The following ALDH7A1 variants were observed in gnomAD, a reference collection of about 807,000 sequenced individuals.
ALDH7A1 encodes alpha-aminoadipic semialdehyde dehydrogenase.
ALDH7A1 carries 63 observed loss-of-function variants against 79.9 expected under a neutral mutation model. The ratio of observed to expected loss-of-function variants is 0.79; its 90% confidence interval spans 0.64 to 0.97. The LOEUF is 0.97. Among genes scored for constraint, ALDH7A1 ranks in the 50% least tolerant of loss-of-function variants. ALDH7A1 has a pLI of 0.00. For synonymous variants in ALDH7A1, 240 were observed against 231.2 expected, an observed-to-expected ratio of 1.04 and a Z score of -0.34; for missense variants, 627 against 665.2, an observed-to-expected ratio of 0.94 and a Z score of 0.63.
rs760266177 is a variant in ALDH7A1 at position 126,552,071 on chromosome 5, T to C, written c.1267A>G (p.Ile423Val). 9 of 1,613,988 alleles carry C rather than the reference T, an allele frequency of 5.6e-6. No individual in the cohort carries two copies. Among genetic ancestry groups the C allele is most frequent in the Non-Finnish European group, 7.6e-6 (9 of 1,180,022 alleles). Residue 423 changes from isoleucine to valine, a missense_variant, in exon 14 of 18, where the codon ATT becomes GTT. Ile to Val is a conservative substitution (Grantham distance 29). Transcript: ENST00000409134. ...GGAGCAAAAGTCTCTGTGTGTGCAA[T>C]GGACGCATCGTGGCCAAGACCTGTC... ...IVTGLGHDASIAHTETFAPIL... is the reference protein window; with the variant it reads ...IVTGLGHDASVAHTETFAPIL...
At chr5:126,573,262 T>A (rs1336288678) in intron 7 of ALDH7A1, among the ~76,000 whole-genome samples, 1 of 152,094 alleles carries the variant, frequency 6.6e-6, no homozygotes, top group Non-Finnish European at 1.5e-5. Flanking sequence ...TTTGTTTGTT[T>A]TTTAGGTTTA....
intron 3 of ALDH7A1, chr5:126,584,319 A>AG (rs1751281384): frequency 2.7e-6 from 1 of 368,724 alleles, no homozygotes; most frequent in Non-Finnish European, 5.0e-6. Flanking sequence ...GCTGAGACAG[A>AG]GAAAAACAGC....
At chr5:126,549,797 A>G in intron 16 of ALDH7A1, 132 bp downstream of exon 16, 1 of 871,024 alleles carries the variant, frequency 1.1e-6, no homozygotes, top group Non-Finnish European at 1.9e-6. Context: ...GCTTTTTCAG[A>G]TATGTTAGAT....
At chr5:126,585,973 CT>C (rs1405698945) in intron 3 of ALDH7A1, among the ~76,000 whole-genome samples, 2 of 152,184 alleles carry the variant, frequency 1.3e-5, no homozygotes, top group Non-Finnish European at 2.9e-5. Flanking sequence ...AAGAAACCAA[CT>C]GTCCATCAGC....
intron 7 of ALDH7A1, among the ~76,000 whole-genome samples, chr5:126,573,923 G>A (rs1465085936): frequency 1.3e-5 from 2 of 149,276 alleles, no homozygotes; most frequent in East Asian, 1.9e-4. Flanking sequence ...CCAGCTACTC[G>A]GGAGGCTGAG....
At position 126,559,253 on chromosome 5, in the gene ALDH7A1, G is replaced by A. The variant is rs543182575; in HGVS notation, c.995C>T (p.Thr332Ile). ...AVGTAGQRCT[T>I]ARRLFIHESI... ...AGATATACTCACCAGTCGCCTCGCA[G>A]TGGTACACCTCTGGCCAGCTGTTCC... The change falls in exon 11 of 18, where the codon ACT becomes ATT. Residue 332 changes from threonine to isoleucine, a missense_variant. By Grantham distance (89) the Thr-to-Ile change is moderately conservative. Transcript: ENST00000409134. 1.2e-6 allele frequency: 2 copies of A among 1,613,844 alleles called. No homozygotes were observed. Among genetic ancestry groups the A allele is most frequent in the Admixed American group, 3.3e-5 (2 of 60,024 alleles).
intron 5 of ALDH7A1, chr5:126,580,160 G>A (rs1167844474): frequency 1.8e-5 from 3 of 166,492 alleles, no homozygotes; most frequent in Non-Finnish European, 2.9e-5. Flanking sequence ...GAACAATGGC[G>A]TGATCTCGGC....
intron 6 of ALDH7A1, among the ~76,000 whole-genome samples, chr5:126,576,219 C>T (rs1488372576): frequency 1.3e-5 from 2 of 148,558 alleles, no homozygotes; most frequent in South Asian, 2.2e-4. Flanking sequence ...GCCGAGACCG[C>T]GCCCCTGCAC....
intron 1 of ALDH7A1, chr5:126,594,027 A>G (rs752628187): frequency 5.1e-5 from 17 of 336,582 alleles, no homozygotes; most frequent in Non-Finnish European, 9.1e-5. Flanking sequence ...ACAACGTCCA[A>G]CAAAGTTTGT....
chr5:126,552,380 T>C (rs1362019890), intron 13 of ALDH7A1, among the ~76,000 whole-genome samples: 1 of 152,152 alleles, frequency 6.6e-6, no homozygotes, highest in East Asian at 1.9e-4. Context: ...AGCCATGCCA[T>C]GTGACACAAC....
chr5:126,554,451 T>C, intron 12 of ALDH7A1, 58 bp from the exon 13 acceptor site: 1 of 1,368,066 alleles, frequency 7.3e-7, no homozygotes, highest in Non-Finnish European at 1.0e-6. Flanking sequence ...ATCGTTTTAT[T>C]ATTAGAACAG....
At chr5:126,554,121 A>G (rs1440726136) in intron 13 of ALDH7A1, among the ~76,000 whole-genome samples, 166 bp downstream of exon 13, 2 of 152,172 alleles carry the variant, frequency 1.3e-5, no homozygotes, top group Non-Finnish European at 2.9e-5. Context: ...ACAGACAAAC[A>G]AACAAAAACA....
intron 6 of ALDH7A1, 37 bp downstream of exon 6, chr5:126,577,042 T>G: frequency 6.2e-7 from 1 of 1,612,722 alleles, no homozygotes; most frequent in Non-Finnish European, 8.5e-7. Flanking sequence ...GCTATTTTTA[T>G]CACTCACTAC....
chr5:126,552,061 G>A lies in ALDH7A1; in HGVS notation c.1277C>T (p.Thr426Ile), dbSNP rs774126237. 6.8e-6 allele frequency: 11 copies of A among 1,613,852 alleles called. No individual in the cohort carries two copies. The change falls in exon 14 of 18, where the codon ACA becomes ATA. Residue 426 changes from threonine (T) to isoleucine (I), a missense_variant. Transcript: ENST00000409134. ...GLGHDASIAH[T>I]ETFAPILYVF... ...ATAGAGAATCGGAGCAAAAGTCTCTGTGTGTGCAATGGACGCATCGTGGCC... is the reference window on the plus strand; with the variant it reads ...ATAGAGAATCGGAGCAAAAGTCTCTATGTGTGCAATGGACGCATCGTGGCC...
intron 11 of ALDH7A1, 117 bp downstream of exon 11, chr5:126,559,123 G>A: frequency 2.4e-6 from 2 of 820,740 alleles, no homozygotes; most frequent in South Asian, 2.8e-5. Context: ...ATATTTGCCA[G>A]CCACATCTAG....
intron 5 of ALDH7A1, 132 bp downstream of exon 5, chr5:126,582,719 T>G: frequency 4.0e-6 from 4 of 1,005,436 alleles, no homozygotes; most frequent in Non-Finnish European, 4.5e-6. Flanking sequence ...CTTTGAAAGA[T>G]TGAGGATATT....
rs1749930301 is a variant in ALDH7A1 at position 126,549,927 on chromosome 5, A to G, written c.1489+2T>C. The stretch of plus-strand genomic sequence containing the variant: ...GAAAAGGAGAAATGATTCTCTACGT[A>G]CCAAAGGCACCTCCAATCTCAGCCC... On this transcript the variant is annotated splice_donor_variant, in intron 16 of 17. Transcript: ENST00000409134. LOFTEE classifies it high-confidence loss of function. The G allele has an allele frequency of 6.2e-7, 1 of 1,613,918 alleles. No homozygotes were observed. Among genetic ancestry groups the G allele is most frequent in the South Asian group, 1.1e-5 (1 of 91,082 alleles).
rs538504116 is a variant in ALDH7A1 at position 126,552,045 on chromosome 5, C to A, written c.1293G>T (p.Pro431=). 1 of 1,613,426 alleles carries A rather than the reference C, an allele frequency of 6.2e-7. No homozygotes were observed. The highest frequency in any genetic ancestry group is 8.5e-7 in the Non-Finnish European group (1 of 1,179,836). ...ASIAHTETFA[P]ILYVFKFKNE... ...CCTTGAATTTAAAGACATAGAGAAT[C>A]GGAGCAAAAGTCTCTGTGTGTGCAA... is the stretch of plus-strand genomic sequence containing the variant. Residue 431 remains proline (P), a synonymous_variant, in exon 14 of 18, where the codon CCG becomes CCT. Coordinates refer to ENST00000409134, the MANE Select transcript of ALDH7A1 (RefSeq NM_001182.5).
Position 126,575,411 on chromosome 5 carries a change from T to C in ALDH7A1, c.695+9A>G, listed in dbSNP as rs896157730. On this transcript the variant is annotated intron_variant, in intron 7 of 17. Coordinates refer to ENST00000409134, the MANE Select transcript of ALDH7A1 (RefSeq NM_001182.5). ...CATACCCAGGAAAAAGAAAGCCACA[T>C]GTACTTACTTTGTGACAGCCACACT... 1 of 1,613,134 alleles carries C rather than the reference T, an allele frequency of 6.2e-7. No homozygotes were observed. Among genetic ancestry groups the C allele is most frequent in the Non-Finnish European group, 8.5e-7 (1 of 1,179,504 alleles).
Sources: allele counts gnomAD v4.1 joint callset (sites outside exome capture counted in the v4.1 genomes callset), GRCh38; gene constraint gnomAD v4.1.1; transcripts MANE v1.5; gene names NCBI Gene and HGNC (gene_info 2026-07-23, HGNC 2026-07-21).